PCNT: variants seen among roughly 807,000 people sequenced by gnomAD.
PCNT encodes the protein pericentrin, also known as kendrin.
A neutral mutation model predicts 380.4 loss-of-function variants in PCNT; 319 were observed. The ratio of observed to expected loss-of-function variants is 0.84; its 90% CI spans 0.77 to 0.92. The LOEUF is 0.92. Among genes scored for constraint, PCNT ranks in the 40% least tolerant of loss-of-function variants. The probability of loss-of-function intolerance (pLI) is 0.00; values close to 1 mark genes in which losing one functional copy is unlikely to be tolerated. For synonymous variants in PCNT, 1,845 were observed against 1,735.2 expected, an observed-to-expected ratio of 1.06 and a Z score of -1.57; for missense variants, 4,400 against 4,255.3, an observed-to-expected ratio of 1.03 and a Z score of -0.95.
At chr21:46,404,614 T>G (rs562637079) in intron 27 of PCNT, among the ~76,000 whole-genome samples, 3 of 152,224 alleles carry the variant, frequency 2.0e-5, no homozygotes, top group Admixed American at 6.5e-5. Flanking sequence ...AGGATGACAG[T>G]CTTCTGTTTC....
chr21:46,341,676 T>G (rs899824727), intron 3 of PCNT, among the ~76,000 whole-genome samples: 1 of 151,312 alleles, frequency 6.6e-6, no homozygotes, highest in Non-Finnish European at 1.5e-5. Flanking sequence ...CTCCTGGACG[T>G]GTTTTGTTTT....
chr21:46,366,760 A>T lies in PCNT; in HGVS notation c.2786A>T (p.Glu929Val), dbSNP rs1365288857. 1 of 1,613,476 alleles carries T rather than the reference A, an allele frequency of 6.2e-7. No homozygotes were observed. Among genetic ancestry groups the T allele is most frequent in the Non-Finnish European group, 8.5e-7 (1 of 1,180,052 alleles). ...LEARHQAALG[E>V]LTASLESKQG... ...GCCAGACACCAGGCCGCGTTGGGCG[A>T]GCTGACAGCCTCCTTAGAGAGCAAG... Residue 929 changes from glutamate to valine, a missense_variant, in exon 15 of 47, where the codon GAG becomes GTG. Glu to Val is a moderately radical substitution (Grantham distance 121, BLOSUM62 -2). Transcript: ENST00000359568.
chr21:46,397,644 T>A (rs1202253932), intron 22 of PCNT, 150 bp downstream of exon 22: 2 of 706,936 alleles, frequency 2.8e-6, no homozygotes, highest in African/African-American at 3.5e-5. Context: ...GGTCGCTGAC[T>A]CTTGGTGGGT....
At chr21:46,386,016 T>C (rs749360890) in intron 17 of PCNT, 33 bp downstream of exon 17, 6 of 1,612,394 alleles carry the variant, frequency 3.7e-6, no homozygotes, top group Non-Finnish European at 5.1e-6. Context: ...GGCTGCCTTG[T>C]GGCCGCCAGC....
rs1662713260 is a variant in PCNT, at chr21:46,441,063, G to T, written c.9602G>T (p.Arg3201Met). 1 of 1,613,114 alleles carries T rather than the reference G, an allele frequency of 6.2e-7. No individual in the cohort carries two copies. The highest frequency in any genetic ancestry group is 8.5e-7 in the Non-Finnish European group (1 of 1,179,146). ...TTCACCAGGTTCCGCACGGCCGTCA[G>T]GGTGGTCATTGCAATATTAAGGTAA... ...RPFTRFRTAV[R>M]VVIAILRLRF... Residue 3201 changes from arginine (R) to methionine (M), a missense_variant, in exon 43 of 47, where the codon AGG (arginine) becomes ATG (methionine). Arg to Met is a moderately conservative substitution (Grantham distance 91, BLOSUM62 -1). Coordinates refer to ENST00000359568, the MANE Select transcript of PCNT (RefSeq NM_006031.6).
intron 21 of PCNT, among the ~76,000 whole-genome samples, chr21:46,396,183 C>T (rs978495007): frequency 2.0e-5 from 3 of 152,236 alleles, no homozygotes; most frequent in Admixed American, 6.5e-5. Flanking sequence ...CCACTTGGGC[C>T]GGGGCTTCGC....
intron 2 of PCNT, among the ~76,000 whole-genome samples, chr21:46,327,363 GT>G (rs1256001062): frequency 6.6e-6 from 1 of 151,572 alleles, no homozygotes; most frequent in African/African-American, 2.4e-5. Flanking sequence ...CCGGCCTATG[GT>G]TTTATTCTTA....
intron 38 of PCNT, among the ~76,000 whole-genome samples, chr21:46,433,417 G>GT (rs555095611): frequency 1.8e-4 from 27 of 152,226 alleles, no homozygotes; most frequent in Non-Finnish European, 2.9e-4. Flanking sequence ...AATAGTCGTA[G>GT]TTTTTTTTAT....
chr21:46,435,877 TCTC>T (rs780722578), intron 38 of PCNT, 24 bp from the exon 39 acceptor site: 8 of 1,613,854 alleles, frequency 5.0e-6, no homozygotes, highest in Non-Finnish European at 5.1e-6. Flanking sequence ...GTGAACGTCT[TCTC>T]TGTCTTTTTT....
At chr21:46,409,186 T>C (rs1411154469) in intron 27 of PCNT, among the ~76,000 whole-genome samples, 1 of 133,522 alleles carries the variant, frequency 7.5e-6, no homozygotes, top group African/African-American at 2.6e-5. Context: ...AGCAAAACTT[T>C]TTACTTTTTT....
chr21:46,429,423 G>A (rs554886833), intron 35 of PCNT, among the ~76,000 whole-genome samples: 4 of 147,160 alleles, frequency 2.7e-5, no homozygotes, highest in South Asian at 4.4e-4. Flanking sequence ...GGGGGCTGGC[G>A]CTGTGCACGT....
At position 46,326,491 on chromosome 21, in the gene PCNT, A is replaced by G; in HGVS notation, c.169A>G (p.Thr57Ala). 1.2e-6 allele frequency: 2 copies of G among 1,614,224 alleles called. No individual in the cohort carries two copies. The highest frequency in any genetic ancestry group is 2.2e-5 in the East Asian group (1 of 44,894). Reference protein sequence around the residue: ...DASVQEESPVTKEDSALCGGG... With the variant: ...DASVQEESPVAKEDSALCGGG... The stretch of plus-strand genomic sequence containing the variant: ...GTCTGTCCAGGAGGAGAGTCCGGTA[A>G]CCAAGGAGGACAGCGCACTCTGTGG... Residue 57 changes from threonine (T) to alanine (A), a missense_variant, in exon 2 of 47, where the codon ACC becomes GCC. By Grantham distance (58) the Thr-to-Ala change is moderately conservative (BLOSUM62 0). Coordinates refer to ENST00000359568, the MANE Select transcript of PCNT (RefSeq NM_006031.6).
At chr21:46,396,686 C>G (rs929522589) in intron 21 of PCNT, among the ~76,000 whole-genome samples, 5 of 152,202 alleles carry the variant, frequency 3.3e-5, no homozygotes, top group African/African-American at 1.2e-4. Context: ...TCACTGCAAC[C>G]TCCATCTCCC....
At chr21:46,359,275 T>C (rs1163883698) in intron 13 of PCNT, among the ~76,000 whole-genome samples, 1 of 145,230 alleles carries the variant, frequency 6.9e-6, no homozygotes, top group Non-Finnish European at 1.5e-5. Context: ...TTGATGCTCA[T>C]GTCTTTATGC....
intron 31 of PCNT, among the ~76,000 whole-genome samples, chr21:46,421,349 G>T (rs1307895418): frequency 6.6e-6 from 1 of 152,152 alleles, no homozygotes; most frequent in South Asian, 2.1e-4. Context: ...CCTCCTCCTC[G>T]TCTGGGTCTC....
At chr21:46,373,748 T>TGG (rs1237028181) in intron 15 of PCNT, among the ~76,000 whole-genome samples, 1,463 of 130,944 alleles carry the variant, frequency 0.011, 22 homozygotes, top group African/African-American at 0.042. Flanking sequence ...TTTTTTTTTT[T>TGG]TGGGCGGAGT....
intron 38 of PCNT, among the ~76,000 whole-genome samples, chr21:46,435,373 G>A (rs770064069): frequency 3.3e-5 from 5 of 151,018 alleles, no homozygotes; most frequent in East Asian, 2.0e-4. Context: ...TTACAGGTGC[G>A]CACCACCACG....
At chr21:46,387,812 C>G (rs2085891373) in intron 17 of PCNT, among the ~76,000 whole-genome samples, 1 of 152,068 alleles carries the variant, frequency 6.6e-6, no homozygotes, top group African/African-American at 2.4e-5. Context: ...TGTGTAGTCA[C>G]TGGGTCAACG....
chr21:46,445,447 G>GC lies in PCNT; in HGVS notation c.*125dup, dbSNP rs1267264432. 9.9e-6 allele frequency: 8 copies of GC among 811,534 alleles called. No individual in the cohort carries two copies. The highest frequency in any genetic ancestry group is 2.2e-4 in the Middle Eastern group (1 of 4,456). The allele number at this position is 811,534 out of a possible 1,614,324, so 50.3% of individuals were successfully genotyped here. On this transcript the variant is annotated 3_prime_UTR_variant, in exon 47 of 47. Coordinates refer to ENST00000359568, the MANE Select transcript of PCNT (RefSeq NM_006031.6). ...CTACTCTTCATGTGCGGTGACACCA[G>GC]CCCCCAGATGCCTTGAATTAAGTGT...
Sources: gnomAD v4.1 joint callset for allele counts (sites outside exome capture counted in the v4.1 genomes callset) on GRCh38, gnomAD v4.1.1 for gene constraint, MANE v1.5 for transcripts, NCBI Gene and HGNC (gene_info 2026-07-23, HGNC 2026-07-21) for gene names.